MPP7: variants seen among roughly 807,000 people sequenced by gnomAD.
The protein encoded by MPP7 is MAGUK p55 subfamily member 7.
A neutral mutation model predicts 76.5 loss-of-function variants in MPP7; 60 were observed. The ratio of observed to expected loss-of-function variants is 0.78; its 90% confidence interval spans 0.64 to 0.97. The LOEUF is 0.97. Ranked by LOEUF, MPP7 falls within the 50% of genes least tolerant of loss-of-function variation. The probability of loss-of-function intolerance (pLI) is 0.00; values close to 1 mark genes in which losing one functional copy is unlikely to be tolerated. For missense variants in MPP7, 641 were observed against 694.0 expected, an observed-to-expected ratio of 0.92 and a Z score of 0.86; for synonymous variants, 237 against 244.5, an observed-to-expected ratio of 0.97 and a Z score of 0.29.
At chr10:28,182,461 G>C (rs1837090056) in intron 3 of MPP7, among the ~76,000 whole-genome samples, 1 of 152,182 alleles carries the variant, frequency 6.6e-6, no homozygotes, top group Non-Finnish European at 1.5e-5. Flanking sequence ...ATCTACTAAA[G>C]TGTAAGATGT....
intron 3 of MPP7, among the ~76,000 whole-genome samples, chr10:28,168,880 T>C (rs1436453220): frequency 6.6e-6 from 1 of 152,314 alleles, no homozygotes; most frequent in East Asian, 1.9e-4. Context: ...TCATAACCCA[T>C]CTAAAATTGA....
At chr10:28,089,875 C>A in intron 11 of MPP7, 34 bp from the exon 12 acceptor site, 4 of 1,124,566 alleles carry the variant, frequency 3.6e-6, no homozygotes, top group Non-Finnish European at 1.3e-6. Flanking sequence ...TTTTTAGTAA[C>A]ATCAACCAAA....
At chr10:28,198,707 T>C (rs1837671977) in intron 3 of MPP7, among the ~76,000 whole-genome samples, 1 of 150,336 alleles carries the variant, frequency 6.7e-6, no homozygotes, top group African/African-American at 2.4e-5. Flanking sequence ...AAAAATAAAA[T>C]GTAAAATAAG....
intron 11 of MPP7, 68 bp from the exon 12 acceptor site, chr10:28,089,909 A>AC: frequency 1.2e-6 from 1 of 849,432 alleles, no homozygotes; most frequent in South Asian, 1.9e-5. Flanking sequence ...AAAAAAAAAA[A>AC]CCCTCAGAGT....
chr10:28,065,350 A>G (rs1851948054), intron 13 of MPP7, among the ~76,000 whole-genome samples: 1 of 152,220 alleles, frequency 6.6e-6, no homozygotes, highest in Non-Finnish European at 1.5e-5. Flanking sequence ...TAATGTGTCT[A>G]CAACCAAATT....
chr10:28,132,261 A>G (rs148881643), intron 5 of MPP7, among the ~76,000 whole-genome samples: 2 of 152,188 alleles, frequency 1.3e-5, no homozygotes, highest in Admixed American at 1.3e-4. Context: ...AAAGATGAAA[A>G]GAACACCAGA....
At chr10:28,118,872 C>A in intron 11 of MPP7, 1 of 985,316 alleles carries the variant, frequency 1.0e-6, no homozygotes, top group Non-Finnish European at 1.2e-6. Flanking sequence ...GTGTAAAATT[C>A]CAGGGCCATT....
chr10:28,158,039 G>C (rs1300042352), intron 3 of MPP7, among the ~76,000 whole-genome samples: 4 of 152,102 alleles, frequency 2.6e-5, no homozygotes, highest in African/African-American at 9.7e-5. Flanking sequence ...ACATAAAATA[G>C]ATGTTAAAAC....
At chr10:28,124,808 G>C (rs995695733) in intron 7 of MPP7, among the ~76,000 whole-genome samples, 1 of 152,090 alleles carries the variant, frequency 6.6e-6, no homozygotes, top group Non-Finnish European at 1.5e-5. Context: ...AGCTTTGGAT[G>C]CTTGTGTACA....
intron 3 of MPP7, among the ~76,000 whole-genome samples, chr10:28,191,173 T>TGGCTTG (rs1837399900): frequency 6.6e-6 from 1 of 152,180 alleles, no homozygotes; most frequent in South Asian, 2.1e-4. Flanking sequence ...CAGGTCCAGA[T>TGGCTTG]GGCTTCACTG....
chr10:28,169,420 G>A (rs1228634967), intron 3 of MPP7, among the ~76,000 whole-genome samples: 1 of 152,170 alleles, frequency 6.6e-6, no homozygotes, highest in Admixed American at 6.6e-5. Context: ...TGAGGCTGAT[G>A]TCGGAGGTTC....
chr10:28,109,133 C>T (rs190629465), intron 11 of MPP7, among the ~76,000 whole-genome samples: 6 of 152,188 alleles, frequency 3.9e-5, no homozygotes, highest in Non-Finnish European at 7.4e-5. Context: ...ACTAAAAATA[C>T]AAAAATAAGC....
intron 2 of MPP7, among the ~76,000 whole-genome samples, chr10:28,219,929 C>G (rs963197282): frequency 6.6e-6 from 1 of 152,096 alleles, no homozygotes; most frequent in Non-Finnish European, 1.5e-5. Context: ...ATTTCCAAAA[C>G]TACCTATAGT....
At position 28,131,654 on chromosome 10, in the gene MPP7, T is replaced by G; in HGVS notation, c.353A>C (p.Asn118Thr). 3 of 1,603,214 alleles carry G rather than the reference T, an allele frequency of 1.9e-6. No individual in the cohort carries two copies. The highest frequency in any genetic ancestry group is 2.6e-6 in the Non-Finnish European group (3 of 1,173,296). Reference sequence around the variant, plus strand: ...CATAGGAGGCAACACTGGGTCGTAATTCTTCTGAGCCACAGTATCATGTAC... The same window carrying G: ...CATAGGAGGCAACACTGGGTCGTAAGTCTTCTGAGCCACAGTATCATGTAC... Reference protein sequence around the residue: ...LSVHDTVAQKNYDPVLPPMPE... With the variant: ...LSVHDTVAQKTYDPVLPPMPE... Residue 118 changes from asparagine (N) to threonine (T), a missense_variant, in exon 6 of 17, where the codon AAT (asparagine) becomes ACT (threonine). Transcript: ENST00000683449.
intron 12 of MPP7, 56 bp downstream of exon 12, chr10:28,089,615 A>C: frequency 6.6e-7 from 1 of 1,510,788 alleles, no homozygotes. Flanking sequence ...CTTTGAAGAG[A>C]AATTCTTACT....
chr10:28,121,639 A>C (rs1432109458), intron 8 of MPP7, among the ~76,000 whole-genome samples: 1 of 152,066 alleles, frequency 6.6e-6, no homozygotes, highest in Non-Finnish European at 1.5e-5. Context: ...AGCCATATTT[A>C]ATTATTTATG....
intron 6 of MPP7, among the ~76,000 whole-genome samples, chr10:28,130,761 C>T (rs535622872): frequency 1.3e-5 from 2 of 152,228 alleles, no homozygotes; most frequent in East Asian, 3.9e-4. Flanking sequence ...TTCTATTCTT[C>T]TGGGTAGTGT....
In MPP7 at chr10:28,281,150, G is replaced by A. The variant is rs547253462; in HGVS notation, c.-132+21711C>T. ...GCTGGAATGCAGTGGTGCAATCTCT[G>A]CTCACTGCAACCTCTGCCTCCCAGG... On this transcript the variant is annotated intron_variant, in intron 1 of 16. Coordinates refer to ENST00000683449, the MANE Select transcript of MPP7 (RefSeq NM_001318170.2). Among the ~76,000 whole-genome samples, 4 of 151,890 alleles carry A rather than the reference G, an allele frequency of 2.6e-5. No individual in the cohort carries two copies. The East Asian group carries it at 7.8e-4, about 29-fold the overall frequency.
chr10:28,085,252 T>C (rs1487288121), intron 12 of MPP7, among the ~76,000 whole-genome samples: 4 of 152,160 alleles, frequency 2.6e-5, no homozygotes, highest in Admixed American at 2.0e-4. Context: ...CTTAGACAAG[T>C]TACCTACTTC....
Sources: allele counts gnomAD v4.1 joint callset (sites outside exome capture counted in the v4.1 genomes callset), GRCh38; gene constraint gnomAD v4.1.1; transcripts MANE v1.5; gene names NCBI Gene and HGNC (gene_info 2026-07-23, HGNC 2026-07-21).